The following SBF1 variants were observed in gnomAD, a reference collection of about 807,000 sequenced individuals.
SBF1 encodes the protein SET binding factor 1, also known as myotubularin-related protein 5.
In SBF1, 65 loss-of-function variants were observed where a neutral mutation model predicts 215.8. The ratio of observed to expected loss-of-function variants is 0.30; its 90% confidence interval spans 0.25 to 0.37. The LOEUF is 0.37. Ranked by LOEUF, SBF1 falls within the 10% of genes least tolerant of loss-of-function variation. SBF1 has a pLI of 1.00. For missense variants in SBF1, 2,634 were observed against 2,667.8 expected (o/e 0.99, Z 0.28); for synonymous variants, 1,410 against 1,122.8 (o/e 1.26, Z -5.11).
In SBF1 at chr22:50,446,229, G is replaced by C. The variant is rs747245659; in HGVS notation, c.*913C>G. ...TGAGACCCCAGGGAAAGGACTTTTG[G>C]GGCAGAATTCCCAAGAACTGAGAGG... On this transcript the variant is annotated 3_prime_UTR_variant, in exon 41 of 41. Coordinates refer to ENST00000380817, the MANE Select transcript of SBF1 (RefSeq NM_002972.4). 3 of 152,148 alleles carry C rather than the reference G, an allele frequency of 2.0e-5. No individual in the cohort carries two copies. The highest frequency in any genetic ancestry group is 4.4e-5 in the Non-Finnish European group (3 of 68,124). 9.4% of individuals were successfully genotyped at this position (152,148 alleles called of 1,614,324 possible). A position where few individuals can be genotyped will look rare whatever the true frequency, so the allele number is the denominator to read the frequency against.
At position 50,454,630 on chromosome 22, in the gene SBF1, T is replaced by A; in HGVS notation, c.4925A>T (p.Glu1642Val). ...YDWELAQGPP[E>V]PPEEERSDGG... ...ATCAGACCGTTCTTCCTCTGGGGGT[T>A]CAGGGGGCCCCTGGGCCAGTTCCCA... Residue 1642 changes from glutamate (E) to valine (V), a missense_variant, in exon 36 of 41, where the codon GAA becomes GTA. Transcript: ENST00000380817. 3 of 1,602,068 alleles carry A rather than the reference T, an allele frequency of 1.9e-6. No individual in the cohort carries two copies. The highest frequency in any genetic ancestry group is 2.6e-6 in the Non-Finnish European group (3 of 1,173,960).
chr22:50,446,999 CG>C lies in SBF1; in HGVS notation c.*142del. On this transcript the variant is annotated 3_prime_UTR_variant, in exon 41 of 41. Transcript: ENST00000380817. ...CCGGCCGGGCGGGGCGGGGCGGGGA[CG>C]GGGGCTGTACACACAAGTGCTGGGG... The C allele has an allele frequency of 1.3e-6, 1 of 771,794 alleles. No individual in the cohort carries two copies. Among genetic ancestry groups the C allele is most frequent in the Non-Finnish European group, 2.2e-6 (1 of 456,226 alleles). The allele number at this position is 771,794 out of a possible 1,614,324, so 47.8% of individuals were successfully genotyped here. A position where few individuals can be genotyped will look rare whatever the true frequency, so the allele number is the denominator to read the frequency against.
intron 36 of SBF1, among the ~76,000 whole-genome samples, chr22:50,453,297 C>CG (rs2067119549): frequency 6.6e-6 from 1 of 152,210 alleles, no homozygotes; most frequent in South Asian, 2.1e-4. Flanking sequence ...CAATGAGCAT[C>CG]GCTAGAGAGA....
rs757516969 is a variant in SBF1, at chr22:50,464,997, G to A, written c.1332+4C>T. On this transcript the variant is annotated splice_donor_region_variant and intron_variant, in intron 12 of 40. Coordinates refer to ENST00000380817, the MANE Select transcript of SBF1 (RefSeq NM_002972.4). ...GGGGCTGGGAGGGCAGGGTGGAGGTGCACCTCATCGAACAGGTCCGTAGGG... is the reference window on the plus strand; with the variant it reads ...GGGGCTGGGAGGGCAGGGTGGAGGTACACCTCATCGAACAGGTCCGTAGGG... 3 of 1,613,976 alleles carry A rather than the reference G, an allele frequency of 1.9e-6. No homozygotes were observed. Among genetic ancestry groups the A allele is most frequent in the Middle Eastern group, 1.7e-4 (1 of 6,060 alleles).
chr22:50,460,160 C>T lies in SBF1; in HGVS notation c.3284-1G>A, dbSNP rs2067442234. 6.2e-7 allele frequency: 1 copy of T among 1,610,912 alleles called. No homozygotes were observed. On this transcript the variant is annotated splice_acceptor_variant, in intron 25 of 40. Transcript: ENST00000380817. LOFTEE classifies it high-confidence loss of function. Reference sequence around the variant, plus strand: ...GTGCTGGGCTCCAGCTCCTCCGACACTGCACAGGCCGGGCACACGTGGTCA... The same window carrying T: ...GTGCTGGGCTCCAGCTCCTCCGACATTGCACAGGCCGGGCACACGTGGTCA...
chr22:50,459,357 C>T lies in SBF1; in HGVS notation c.3724G>A (p.Glu1242Lys), dbSNP rs540943450. 12 of 1,612,704 alleles carry T rather than the reference C, an allele frequency of 7.4e-6. No individual in the cohort carries two copies. In the Admixed American group the frequency reaches 2.0e-4, roughly 27 times the overall value. Residue 1242 changes from glutamate (E) to lysine (K), a missense_variant, in exon 28 of 41, where the codon GAG becomes AAG. Physicochemically the swap from Glu to Lys is moderately conservative, Grantham distance 56. Transcript: ENST00000380817. ...SQADSSSLEQ[E>K]KYLQAVVSSM... is the part of the protein sequence containing the mutation. ...CTGACCACAGCCTGCAGGTACTTCT[C>T]CTGCTCCAGGCTACTCGAGTCCGCC...
intron 2 of SBF1, 31 bp from the exon 3 acceptor site, chr22:50,467,954 C>T (rs368914899): frequency 2.5e-5 from 41 of 1,610,276 alleles, no homozygotes; most frequent in Non-Finnish European, 3.0e-5. Flanking sequence ...TCAGCTCCTC[C>T]CCCTACACCT....
rs74959209 is a variant in SBF1 at position 50,468,202 on chromosome 22, C to T, written c.141+174G>A. Among the ~76,000 whole-genome samples the T allele has an allele frequency of 4.2e-4, 64 of 152,322 alleles. No individual in the cohort carries two copies. In the East Asian group the frequency reaches 9.6e-3, roughly 23 times the overall value. Reference sequence around the variant, plus strand: ...CAACATGACACAGTGACATGAGCACCGCACAGGCCGCCGGCCAAGCCGGTC... The same window carrying T: ...CAACATGACACAGTGACATGAGCACTGCACAGGCCGCCGGCCAAGCCGGTC... On this transcript the variant is annotated intron_variant, in intron 2 of 40. Transcript: ENST00000380817.
rs1292931935 is a variant in SBF1 at position 50,474,876 on chromosome 22, G to T, written c.-36C>A. The T allele has an allele frequency of 7.5e-7, 1 of 1,337,038 alleles. No individual in the cohort carries two copies. The highest frequency in any genetic ancestry group is 1.6e-5 in the African/African-American group (1 of 64,058). The allele number at this position is 1,337,038 out of a possible 1,614,324, so 82.8% of individuals were successfully genotyped here. On this transcript the variant is annotated 5_prime_UTR_variant, in exon 1 of 41. Transcript: ENST00000380817. Reference sequence around the variant, plus strand: ...GCGGGGCGGCCCGAGGGGCGCGGGCGGGCTCCGCGGCTCGGGGACTCGAGG... The same window carrying T: ...GCGGGGCGGCCCGAGGGGCGCGGGCTGGCTCCGCGGCTCGGGGACTCGAGG...
intron 26 of SBF1, 24 bp downstream of exon 26, chr22:50,459,928 G>GGGCCAGCCCT: frequency 6.2e-7 from 1 of 1,611,772 alleles, no homozygotes; most frequent in African/African-American, 1.3e-5. Context: ...TCCACCACCC[G>GGGCCAGCCCT]GGCCAGCCCT....
intron 15 of SBF1, 84 bp from the exon 16 acceptor site, chr22:50,463,516 G>A (rs892233019): frequency 7.0e-7 from 1 of 1,421,708 alleles, no homozygotes; most frequent in South Asian, 1.4e-5. Flanking sequence ...CAGGTGTCCA[G>A]GAGACCCAAA....
At position 50,455,368 on chromosome 22, in the gene SBF1, G is replaced by A. The variant is rs755883207; in HGVS notation, c.4410C>T (p.Arg1470=). 3.1e-6 allele frequency: 5 copies of A among 1,613,320 alleles called. No individual in the cohort carries two copies. Among genetic ancestry groups the A allele is most frequent in the Non-Finnish European group, 4.2e-6 (5 of 1,179,872 alleles). ...CCAGCAGGCGAAAGCCCTCCAGCGT[G>A]CGGTAGAAGGGGTCTGAGAGCAGCT... ...LVQLLSDPFY[R]TLEGFRLLVE... Residue 1470 remains arginine, a synonymous_variant, in exon 33 of 41, where the codon CGC becomes CGT. Coordinates refer to ENST00000380817, the MANE Select transcript of SBF1 (RefSeq NM_002972.4).
At chr22:50,463,852 T>C (rs989364096) in intron 15 of SBF1, among the ~76,000 whole-genome samples, 3 of 152,118 alleles carry the variant, frequency 2.0e-5, no homozygotes, top group African/African-American at 7.2e-5. Context: ...ATACAGCCAA[T>C]GAAAAACAAG....
intron 1 of SBF1, among the ~76,000 whole-genome samples, chr22:50,470,384 G>C (rs553143270): frequency 1.3e-5 from 2 of 152,000 alleles, no homozygotes; most frequent in Non-Finnish European, 2.9e-5. Flanking sequence ...TCCACCCCCC[G>C]CTAGTCTTGT....
rs1461959302 is a variant in SBF1 at position 50,455,594 on chromosome 22, G to A, written c.4267-12C>T. On this transcript the variant is annotated splice_polypyrimidine_tract_variant and intron_variant, in intron 31 of 40. Coordinates refer to ENST00000380817, the MANE Select transcript of SBF1 (RefSeq NM_002972.4). ...AGCAGCTTGTGGATCTGCAGGGACA[G>A]GCGGCCTCAGCACCTCGGGGACCCA... 3.8e-6 allele frequency: 6 copies of A among 1,559,728 alleles called. No homozygotes were observed. The highest frequency in any genetic ancestry group is 1.4e-5 in the African/African-American group (1 of 73,412).
At chr22:50,450,295 T>C (rs1603430502) in intron 36 of SBF1, among the ~76,000 whole-genome samples, 2 of 151,240 alleles carry the variant, frequency 1.3e-5, no homozygotes, top group Non-Finnish European at 3.0e-5. Flanking sequence ...CCAATGCGGG[T>C]GGATAACCTG....
intron 2 of SBF1, 146 bp from the exon 3 acceptor site, chr22:50,468,069 T>C (rs2067850455): frequency 8.9e-6 from 9 of 1,016,206 alleles, no homozygotes; most frequent in Non-Finnish European, 1.3e-5. Context: ...ACACGTGGCC[T>C]CCTGGGCCTC....
Position 50,460,629 on chromosome 22 carries a change from C to T in SBF1, c.3051G>A (p.Pro1017=), listed in dbSNP as rs758476232. Residue 1017 remains proline, a synonymous_variant, in exon 24 of 41, where the codon CCG becomes CCA. Coordinates refer to ENST00000380817, the MANE Select transcript of SBF1 (RefSeq NM_002972.4). ...FRKQLHKLRY[P]PDIRATFAFT... ...ACGCAAAGGTGGCCCTGATGTCCGG[C>T]GGGTACCGCAGCTTATGCAGCTGCT... is the stretch of plus-strand genomic sequence containing the variant. 4 of 1,613,960 alleles carry T rather than the reference C, an allele frequency of 2.5e-6. No homozygotes were observed. The highest frequency in any genetic ancestry group is 1.7e-5 in the Admixed American group (1 of 60,012).
Position 50,455,068 on chromosome 22 carries a change from G to A in SBF1, c.4629C>T (p.Ser1543=). The A allele has an allele frequency of 1.9e-6, 3 of 1,614,116 alleles. No homozygotes were observed. The highest frequency in any genetic ancestry group is 2.5e-6 in the Non-Finnish European group (3 of 1,180,034). The change falls in exon 34 of 41, where the codon TCC becomes TCT. Residue 1543 remains serine, a synonymous_variant. Coordinates refer to ENST00000380817, the MANE Select transcript of SBF1 (RefSeq NM_002972.4). ...YLKFLGYHHV[S]RRFRTFLLDS... Reference sequence around the variant, plus strand: ...CGAGCAGGAAGGTCCGGAAACGGCGGGACACATGGTGGTAGCCGAGGAACT... The same window carrying A: ...CGAGCAGGAAGGTCCGGAAACGGCGAGACACATGGTGGTAGCCGAGGAACT...
Sources: allele counts gnomAD v4.1 joint callset (sites outside exome capture counted in the v4.1 genomes callset), GRCh38; gene constraint gnomAD v4.1.1; transcripts MANE v1.5; gene names NCBI Gene and HGNC (gene_info 2026-07-23, HGNC 2026-07-21).